SERPINB10: variants seen among roughly 807,000 people sequenced by gnomAD.
SERPINB10 encodes the protein serpin B10.
A neutral mutation model predicts 39.1 loss-of-function variants in SERPINB10; 35 were observed. The ratio of observed to expected loss-of-function variants is 0.90; its 90% CI spans 0.68 to 1.19. The LOEUF is 1.19. Among genes scored for constraint, SERPINB10 ranks in the 50% most tolerant of loss-of-function variants. The probability of loss-of-function intolerance (pLI) is 0.00; values close to 1 mark genes in which losing one functional copy is unlikely to be tolerated. For missense variants in SERPINB10, 546 were observed against 460.5 expected (o/e 1.19, Z -1.70); for synonymous variants, 190 against 158.1 (o/e 1.20, Z -1.52).
chr18:63,929,944 GA>G, intron 5 of SERPINB10, 100 bp from the exon 6 acceptor site: 1 of 1,270,756 alleles, frequency 7.9e-7, no homozygotes, highest in South Asian at 1.4e-5. Flanking sequence ...GACTTTTAAA[GA>G]AAACTTTTAT....
At position 63,917,956 on chromosome 18, in the gene SERPINB10, C is replaced by T; in HGVS notation, c.235-9C>T. On this transcript the variant is annotated splice_polypyrimidine_tract_variant and intron_variant, in intron 3 of 7. Transcript: ENST00000238508. Reference sequence around the variant, plus strand: ...ACATTTTATTTGACTAGTTCCTTCTCTTTTAAAGGAATTCAACTTGAGCAA... The same window carrying T: ...ACATTTTATTTGACTAGTTCCTTCTTTTTTAAAGGAATTCAACTTGAGCAA... 6.2e-7 allele frequency: 1 copy of T among 1,609,368 alleles called. No homozygotes were observed. The highest frequency in any genetic ancestry group is 8.5e-7 in the Non-Finnish European group (1 of 1,176,710).
At chr18:63,934,528 C>T (rs2050247079) in intron 7 of SERPINB10, among the ~76,000 whole-genome samples, 3 of 152,130 alleles carry the variant, frequency 2.0e-5, no homozygotes, top group South Asian at 2.1e-4. Context: ...GTATAGCTAA[C>T]ATCTAAATGT....
chr18:63,916,896 G>A (rs1343090075), intron 2 of SERPINB10, among the ~76,000 whole-genome samples: 1 of 151,936 alleles, frequency 6.6e-6, no homozygotes, highest in Non-Finnish European at 1.5e-5. Flanking sequence ...TAAAAGTATT[G>A]CCTTCTGTTC....
At chr18:63,912,634 G>C (rs534809944) in intron 1 of SERPINB10, among the ~76,000 whole-genome samples, 1 of 152,000 alleles carries the variant, frequency 6.6e-6, no homozygotes, top group African/African-American at 2.4e-5. Context: ...AAGCCTACTT[G>C]ATGGTGGTAA....
intron 5 of SERPINB10, among the ~76,000 whole-genome samples, chr18:63,921,950 A>G (rs191399346): frequency 2.5e-3 from 376 of 151,876 alleles, no homozygotes; most frequent in Admixed American, 3.9e-3. Flanking sequence ...TTTGCCCCCA[A>G]ATAACTTCTC....
chr18:63,910,623 A>G (rs2050057198), intron 1 of SERPINB10, among the ~76,000 whole-genome samples: 1 of 152,034 alleles, frequency 6.6e-6, no homozygotes, highest in South Asian at 2.1e-4. Context: ...AGCAAGAGAC[A>G]TGATTTAATT....
chr18:63,931,989 A>T (rs928195822), intron 6 of SERPINB10, among the ~76,000 whole-genome samples: 1 of 152,106 alleles, frequency 6.6e-6, no homozygotes, highest in Non-Finnish European at 1.5e-5. Flanking sequence ...CTGGAATGTC[A>T]CATAGTTGTA....
intron 5 of SERPINB10, among the ~76,000 whole-genome samples, chr18:63,922,172 T>C (rs2050151478): frequency 6.6e-6 from 1 of 151,978 alleles, no homozygotes; most frequent in Non-Finnish European, 1.5e-5. Flanking sequence ...ACATTAATGT[T>C]TATTGGAATG....
At chr18:63,932,703 C>A (rs2050231806) in intron 6 of SERPINB10, among the ~76,000 whole-genome samples, 1 of 152,072 alleles carries the variant, frequency 6.6e-6, no homozygotes, top group South Asian at 2.1e-4. Flanking sequence ...AAAATACTTT[C>A]TCAAATATTT....
Position 63,930,052 on chromosome 18 carries a change from C to A in SERPINB10, c.498C>A (p.Ile166=). 6.2e-7 allele frequency: 1 copy of A among 1,613,098 alleles called. No homozygotes were observed. The highest frequency in any genetic ancestry group is 8.5e-7 in the Non-Finnish European group (1 of 1,179,516). Residue 166 remains isoleucine (I), a synonymous_variant, in exon 6 of 8, where the codon ATC becomes ATA. Transcript: ENST00000238508. ...TGCCTTTTGTTCTTACAGGTAAAATCCAGAATCTCCTGCCTGATGACTCTG... is the reference window on the plus strand; with the variant it reads ...TGCCTTTTGTTCTTACAGGTAAAATACAGAATCTCCTGCCTGATGACTCTG... ...SWVERQTEGK[I]QNLLPDDSVD...
At chr18:63,930,694 A>T (rs2050216173) in intron 6 of SERPINB10, among the ~76,000 whole-genome samples, 1 of 152,126 alleles carries the variant, frequency 6.6e-6, no homozygotes, top group Non-Finnish European at 1.5e-5. Flanking sequence ...GGAAACAAGG[A>T]CTTAAATGTT....
chr18:63,914,206 T>C (rs547678316), intron 1 of SERPINB10, among the ~76,000 whole-genome samples: 3 of 152,194 alleles, frequency 2.0e-5, no homozygotes, highest in Admixed American at 2.0e-4. Context: ...ATGGGTCTTG[T>C]TTTTTAATCC....
chr18:63,912,252 T>C (rs1342677845), intron 1 of SERPINB10, among the ~76,000 whole-genome samples: 2 of 152,052 alleles, frequency 1.3e-5, no homozygotes. Flanking sequence ...ACTTCTTCTT[T>C]TCCTATTTGG....
chr18:63,935,605 GTGATA>G lies in SERPINB10; in HGVS notation c.*370_*374del, dbSNP rs1346092564. 6.0e-6 allele frequency: 1 copy of G among 167,888 alleles called. No individual in the cohort carries two copies. The highest frequency in any genetic ancestry group is 2.4e-5 in the African/African-American group (1 of 41,980). 10.4% of individuals were successfully genotyped at this position (167,888 alleles called of 1,614,324 possible). On this transcript the variant is annotated 3_prime_UTR_variant, in exon 8 of 8. Transcript: ENST00000238508. ...TAAATGAAAAAAAATCTTTATAAAG[GTGATA>G]TGATATTGATAAATACGAAGTTTCT...
chr18:63,929,824 A>G (rs754190130), intron 5 of SERPINB10, among the ~76,000 whole-genome samples: 1 of 151,958 alleles, frequency 6.6e-6, no homozygotes, highest in Admixed American at 6.6e-5. Flanking sequence ...ATGTGGAATA[A>G]TGCTTACTGA....
chr18:63,930,270 T>C (rs1048973385), intron 6 of SERPINB10, 83 bp downstream of exon 6: 9 of 1,459,804 alleles, frequency 6.2e-6, no homozygotes, highest in Non-Finnish European at 8.5e-6. Context: ...TTCTTTTAGA[T>C]TGTATGTTCT....
At chr18:63,915,786 A>G in intron 2 of SERPINB10, 108 bp downstream of exon 2, 1 of 972,810 alleles carries the variant, frequency 1.0e-6, no homozygotes, top group Non-Finnish European at 1.5e-6. Flanking sequence ...TTTCACAATA[A>G]CATTCTCTAA....
chr18:63,927,845 G>A (rs376096319), intron 5 of SERPINB10, among the ~76,000 whole-genome samples: 14 of 152,136 alleles, frequency 9.2e-5, no homozygotes, highest in South Asian at 8.3e-4. Context: ...ATGGGTTTAC[G>A]GATGGGAATT....
At chr18:63,908,636 C>G (rs748167857) in intron 1 of SERPINB10, among the ~76,000 whole-genome samples, 1 of 152,014 alleles carries the variant, frequency 6.6e-6, no homozygotes, top group South Asian at 2.1e-4. Context: ...CCACATCATA[C>G]TAGGTGCTCT....
Sources: gnomAD v4.1 joint callset for allele counts (sites outside exome capture counted in the v4.1 genomes callset) on GRCh38, gnomAD v4.1.1 for gene constraint, MANE v1.5 for transcripts, NCBI Gene and HGNC (gene_info 2026-07-23, HGNC 2026-07-21) for gene names.